Variants in SLCO2A1 observed in about 807,000 individuals in gnomAD.
SLCO2A1 encodes solute carrier organic anion transporter family member 2A1.
A neutral mutation model predicts 71.7 loss-of-function variants in SLCO2A1; 60 were observed. That is an observed-to-expected ratio of 0.84 (90% confidence interval 0.68 to 1.04). The LOEUF is 1.04. Ranked by LOEUF, SLCO2A1 falls within the 50% of genes least tolerant of loss-of-function variation. SLCO2A1 has a pLI of 0.00. For missense variants in SLCO2A1, 745 were observed against 813.4 expected, an observed-to-expected ratio of 0.92 and a Z score of 1.02; for synonymous variants, 308 against 326.7, an observed-to-expected ratio of 0.94 and a Z score of 0.62.
intron 12 of SLCO2A1, 42 bp downstream of exon 12, chr3:133,938,387 G>A (rs370831558): frequency 3.2e-6 from 5 of 1,556,092 alleles, no homozygotes; most frequent in East Asian, 4.5e-5. Context: ...ATGCCCCATC[G>A]CCTGGGGCCA....
intron 1 of SLCO2A1, among the ~76,000 whole-genome samples, chr3:134,028,122 A>G (rs940431798): frequency 2.0e-5 from 3 of 152,210 alleles, no homozygotes; most frequent in Non-Finnish European, 4.4e-5. Flanking sequence ...TTAGGGAACC[A>G]GGGTGGGTCT....
chr3:134,016,349 A>G (rs1935455393), intron 1 of SLCO2A1, among the ~76,000 whole-genome samples: 1 of 152,120 alleles, frequency 6.6e-6, no homozygotes, highest in African/African-American at 2.4e-5. Flanking sequence ...AAAAAAAAAG[A>G]TTACAATTAG....
intron 1 of SLCO2A1, among the ~76,000 whole-genome samples, chr3:133,986,849 T>C (rs1934725410): frequency 6.6e-6 from 1 of 152,060 alleles, no homozygotes; most frequent in Non-Finnish European, 1.5e-5. Context: ...CAAAGAACAG[T>C]CTAGACATGG....
At chr3:134,019,098 T>A (rs1314753977) in intron 1 of SLCO2A1, among the ~76,000 whole-genome samples, 1 of 152,162 alleles carries the variant, frequency 6.6e-6, no homozygotes. Context: ...CCACTGGGAA[T>A]AAGCACACCC....
chr3:133,954,337 T>A (rs182736728), intron 4 of SLCO2A1, among the ~76,000 whole-genome samples: 1 of 151,696 alleles, frequency 6.6e-6, no homozygotes, highest in East Asian at 1.9e-4. Context: ...TAATTTTTTA[T>A]TTTTAATAGA....
At chr3:133,945,390 AC>A in intron 9 of SLCO2A1, 130 bp from the exon 10 acceptor site, 1 of 889,682 alleles carries the variant, frequency 1.1e-6, no homozygotes, top group South Asian at 1.7e-5. Flanking sequence ...GGCCAGTGCC[AC>A]CCTGGGATCT....
chr3:134,013,727 T>C (rs1165496213), intron 1 of SLCO2A1, among the ~76,000 whole-genome samples: 1 of 152,214 alleles, frequency 6.6e-6, no homozygotes, highest in Admixed American at 6.5e-5. Context: ...CACATCTTCC[T>C]AGAGCATCAA....
At chr3:134,027,574 C>G (rs148263899) in intron 1 of SLCO2A1, among the ~76,000 whole-genome samples, 3 of 152,142 alleles carry the variant, frequency 2.0e-5, no homozygotes, top group Non-Finnish European at 4.4e-5. Context: ...CTGATGCCCC[C>G]GGCTGAATAA....
intron 9 of SLCO2A1, among the ~76,000 whole-genome samples, 168 bp downstream of exon 9, chr3:133,947,088 C>G (rs1933597129): frequency 6.6e-6 from 1 of 151,382 alleles, no homozygotes; most frequent in Non-Finnish European, 1.5e-5. Flanking sequence ...GAGCCAAGAT[C>G]ACGCCACTGC....
intron 11 of SLCO2A1, among the ~76,000 whole-genome samples, chr3:133,940,112 C>T (rs991472212): frequency 2.0e-5 from 3 of 152,034 alleles, no homozygotes; most frequent in East Asian, 1.9e-4. Context: ...GGACTACAGG[C>T]GCCCATCACC....
chr3:133,962,536 C>T (rs1934064244), intron 3 of SLCO2A1, among the ~76,000 whole-genome samples: 1 of 152,176 alleles, frequency 6.6e-6, no homozygotes. Flanking sequence ...ACCCCGTGGG[C>T]AGCCTCTGAT....
intron 1 of SLCO2A1, among the ~76,000 whole-genome samples, chr3:133,997,712 C>G (rs1254485042): frequency 6.6e-6 from 1 of 152,190 alleles, no homozygotes; most frequent in African/African-American, 2.4e-5. Context: ...TTGTTTTAAG[C>G]CACCAAGTTT....
chr3:134,014,217 C>G (rs1935396809), intron 1 of SLCO2A1, among the ~76,000 whole-genome samples: 1 of 152,132 alleles, frequency 6.6e-6, no homozygotes, highest in Admixed American at 6.5e-5. Context: ...GGGTGGGAGA[C>G]AGTGCCAAAT....
At chr3:133,947,203 A>T in intron 9 of SLCO2A1, 53 bp downstream of exon 9, 1 of 1,460,378 alleles carries the variant, frequency 6.8e-7, no homozygotes, top group East Asian at 2.3e-5. Context: ...TAACAGCCAG[A>T]TCTAAGCCCT....
At chr3:133,986,077 C>T (rs916054457) in intron 1 of SLCO2A1, among the ~76,000 whole-genome samples, 2 of 152,142 alleles carry the variant, frequency 1.3e-5, no homozygotes, top group Non-Finnish European at 2.9e-5. Context: ...GGTATTTATA[C>T]AGGTTTATAC....
intron 1 of SLCO2A1, among the ~76,000 whole-genome samples, chr3:133,990,218 C>T (rs149374041): frequency 3.0e-4 from 45 of 152,382 alleles, no homozygotes; most frequent in African/African-American, 1.1e-3. Context: ...ACTTCCCAAC[C>T]ACTGTCCACC....
chr3:134,022,710 A>C (rs1265884287), intron 1 of SLCO2A1, among the ~76,000 whole-genome samples: 1 of 152,246 alleles, frequency 6.6e-6, no homozygotes, highest in African/African-American at 2.4e-5. Context: ...CATTAATAAC[A>C]CACTAATATA....
At chr3:133,971,786 C>T (rs1039670721) in intron 3 of SLCO2A1, among the ~76,000 whole-genome samples, 2 of 152,196 alleles carry the variant, frequency 1.3e-5, no homozygotes, top group Non-Finnish European at 2.9e-5. Context: ...CACAAAACCA[C>T]AGCCACTTTC....
At chr3:134,012,978 T>C (rs1034922631) in intron 1 of SLCO2A1, among the ~76,000 whole-genome samples, 1 of 152,222 alleles carries the variant, frequency 6.6e-6, no homozygotes, top group Admixed American at 6.5e-5. Context: ...GTCTGGTGTC[T>C]TAACCCCCTC....
Sources: gnomAD v4.1 joint callset for allele counts (sites outside exome capture counted in the v4.1 genomes callset) on GRCh38, gnomAD v4.1.1 for gene constraint, MANE v1.5 for transcripts, NCBI Gene and HGNC (gene_info 2026-07-23, HGNC 2026-07-21) for gene names.